Variants in MYT1L observed in about 807,000 individuals in gnomAD.
MYT1L encodes myelin transcription factor 1-like protein.
A neutral mutation model predicts 126.7 loss-of-function variants in MYT1L; 12 were observed. The observed-to-expected ratio is 0.09, with a 90% CI of 0.06 to 0.15. The LOEUF (loss-of-function observed/expected upper bound fraction) is 0.15. Ranked by LOEUF, MYT1L falls within the 10% of genes least tolerant of loss-of-function variation. The probability of loss-of-function intolerance (pLI) is 1.00; values close to 1 mark genes in which losing one functional copy is unlikely to be tolerated. For synonymous variants in MYT1L, 541 were observed against 604.2 expected (o/e 0.90, Z 1.53); for missense variants, 979 against 1,585.2 (o/e 0.62, Z 6.49).
At chr2:2,276,285 C>T (rs765424978) in intron 2 of MYT1L, among the ~76,000 whole-genome samples, 1 of 152,152 alleles carries the variant, frequency 6.6e-6, no homozygotes, top group Non-Finnish European at 1.5e-5. Context: ...GGGCCTGCCC[C>T]CTACACAGCC....
intron 3 of MYT1L, among the ~76,000 whole-genome samples, chr2:2,068,941 G>A (rs532948771): frequency 2.0e-5 from 3 of 152,028 alleles, no homozygotes; most frequent in Non-Finnish European, 4.4e-5. Context: ...CATCTTATCT[G>A]AGGCCACGGG....
At position 2,068,703 on chromosome 2, in the gene MYT1L, T is replaced by C. The variant is rs573349921; in HGVS notation, c.-303-14580A>G. Among the ~76,000 whole-genome samples, 8 of 150,746 alleles carry C rather than the reference T, an allele frequency of 5.3e-5. No individual in the cohort carries two copies. The South Asian group carries it at 1.7e-3, about 32-fold the overall frequency. ...CTGAAGATAAAAATTATGATTTTAT[T>C]TTAATGATCCAACAGTAATACTGGC... On this transcript the variant is annotated intron_variant, in intron 3 of 24. Coordinates refer to ENST00000647738, the MANE Select transcript of MYT1L (RefSeq NM_001303052.2).
intron 2 of MYT1L, among the ~76,000 whole-genome samples, chr2:2,235,257 G>A (rs2094260585): frequency 6.6e-6 from 1 of 152,038 alleles, no homozygotes. Flanking sequence ...TGTGTAGCTG[G>A]TTAGCTGGTT....
chr2:2,121,173 T>G (rs2080950006), intron 3 of MYT1L, among the ~76,000 whole-genome samples: 1 of 152,206 alleles, frequency 6.6e-6, no homozygotes, highest in African/African-American at 2.4e-5. Flanking sequence ...TCGCTCTCCT[T>G]CAATCATATT....
chr2:2,244,650 T>A (rs902790580), intron 2 of MYT1L, among the ~76,000 whole-genome samples: 3 of 152,140 alleles, frequency 2.0e-5, no homozygotes, highest in Non-Finnish European at 4.4e-5. Context: ...AACTGCAGGC[T>A]CCAGGAACAG....
intron 3 of MYT1L, among the ~76,000 whole-genome samples, chr2:2,100,148 T>C (rs1433725770): frequency 1.3e-5 from 2 of 152,188 alleles, no homozygotes; most frequent in Non-Finnish European, 2.9e-5. Flanking sequence ...GAAGGATGTA[T>C]GTTATTTATA....
intron 2 of MYT1L, among the ~76,000 whole-genome samples, chr2:2,271,122 G>A (rs2095255778): frequency 6.6e-6 from 1 of 152,168 alleles, no homozygotes. Context: ...GAAGGGTTCT[G>A]ACATCTAGCA....
chr2:2,110,120 T>C (rs1244627981), intron 3 of MYT1L, among the ~76,000 whole-genome samples: 1 of 151,404 alleles, frequency 6.6e-6, no homozygotes, highest in African/African-American at 2.4e-5. Flanking sequence ...CTGAGGACCT[T>C]TGTCCCATTT....
At chr2:2,197,981 A>G (rs868832888) in intron 2 of MYT1L, among the ~76,000 whole-genome samples, 1 of 150,250 alleles carries the variant, frequency 6.7e-6, no homozygotes, top group Middle Eastern at 3.6e-3. Context: ...TATAAATAAC[A>G]TACATATATA....
intron 2 of MYT1L, among the ~76,000 whole-genome samples, chr2:2,275,028 T>C (rs1281905132): frequency 3.3e-5 from 5 of 152,228 alleles, no homozygotes; most frequent in African/African-American, 9.6e-5. Flanking sequence ...ACCCAGAGCA[T>C]GAGCAAGTGC....
At chr2:2,146,487 TC>T (rs2084895886) in intron 3 of MYT1L, among the ~76,000 whole-genome samples, 1 of 152,180 alleles carries the variant, frequency 6.6e-6, no homozygotes, top group Non-Finnish European at 1.5e-5. Flanking sequence ...GGGTCCTGCC[TC>T]CCTTCCTGGG....
chr2:2,310,427 T>A lies in MYT1L; in HGVS notation c.-521+20540A>T, dbSNP rs547627330. 3.5e-4 allele frequency among the ~76,000 whole-genome samples: 53 copies of A among 152,340 alleles called. No individual in the cohort carries two copies. The Middle Eastern group carries it at 0.01, about 29-fold the overall frequency. On this transcript the variant is annotated intron_variant, in intron 1 of 24. Coordinates refer to ENST00000647738, the MANE Select transcript of MYT1L (RefSeq NM_001303052.2). ...TATCTATACTCCATCTACACTTCAG[T>A]ATACTTTATCTATACTCCATCTACA...
At chr2:2,009,796 G>A (rs1482072345) in intron 4 of MYT1L, among the ~76,000 whole-genome samples, 1 of 152,062 alleles carries the variant, frequency 6.6e-6, no homozygotes, top group East Asian at 1.9e-4. Context: ...GATCTTAGTG[G>A]CAAAGTTTCA....
chr2:2,184,958 A>G (rs1361052299), intron 2 of MYT1L, among the ~76,000 whole-genome samples: 2 of 152,126 alleles, frequency 1.3e-5, no homozygotes, highest in Admixed American at 6.5e-5. Flanking sequence ...AAGCTTCGCC[A>G]CCTCTCTGGC....
chr2:2,228,909 G>A lies in MYT1L; in HGVS notation c.-421+55495C>T, dbSNP rs540057946. Among the ~76,000 whole-genome samples the A allele has an allele frequency of 3.9e-5, 6 of 152,250 alleles. No individual in the cohort carries two copies. In the South Asian group the frequency reaches 1.0e-3, roughly 26 times the overall value. On this transcript the variant is annotated intron_variant, in intron 2 of 24. Transcript: ENST00000647738. This position sits in a 1 kb window ranked among gnomAD's most constrained non-coding sequence, Gnocchi z 5.9. ...TTTAAAAAATACAGGACAAGGGCAA[G>A]TTAATAAGAAGAAACACAAGCAGTA...
chr2:2,295,681 C>G (rs796309986), intron 1 of MYT1L, among the ~76,000 whole-genome samples: 64 of 43,186 alleles, frequency 1.5e-3, no homozygotes, highest in South Asian at 1.9e-3. Flanking sequence ...GAGAGAGAGA[C>G]AGACAGAGAG....
chr2:2,009,290 C>T (rs2063598063), intron 4 of MYT1L, among the ~76,000 whole-genome samples: 1 of 151,718 alleles, frequency 6.6e-6, no homozygotes, highest in Non-Finnish European at 1.5e-5. Context: ...CTGTATATTA[C>T]TTTGGGTAGT....
At chr2:1,941,017 C>T (rs2056589762) in intron 9 of MYT1L, among the ~76,000 whole-genome samples, 1 of 152,180 alleles carries the variant, frequency 6.6e-6, no homozygotes, top group Non-Finnish European at 1.5e-5. Flanking sequence ...GTTTGCTTTC[C>T]AGCGTTTAAA....
intron 23 of MYT1L, among the ~76,000 whole-genome samples, chr2:1,797,251 C>T (rs926225339): frequency 2.9e-4 from 44 of 152,142 alleles, no homozygotes; most frequent in Non-Finnish European, 5.4e-4. Context: ...GACCGGTGTC[C>T]GGACTTCTTT....
Sources: allele counts gnomAD v4.1 joint callset (sites outside exome capture counted in the v4.1 genomes callset), GRCh38; gene constraint gnomAD v4.1.1; non-coding constraint Gnocchi (gnomAD v3.1); transcripts MANE v1.5; gene names NCBI Gene and HGNC (gene_info 2026-07-23, HGNC 2026-07-21).